The following MYO1D variants were observed in gnomAD, a reference collection of about 807,000 sequenced individuals.
The protein encoded by MYO1D is unconventional myosin-Id.
In MYO1D, 83 loss-of-function variants were observed where a neutral mutation model predicts 122.0. The observed-to-expected ratio is 0.68, with a 90% CI of 0.57 to 0.82. MYO1D has a LOEUF of 0.82. Among genes scored for constraint, MYO1D ranks in the 40% least tolerant of loss-of-function variants. The probability of loss-of-function intolerance (pLI) is 0.00; values close to 1 mark genes in which losing one functional copy is unlikely to be tolerated. For synonymous variants in MYO1D, 464 were observed against 446.9 expected (o/e 1.04, Z -0.48); for missense variants, 1,157 against 1,269.5 (o/e 0.91, Z 1.35).
chr17:32,857,259 A>C (rs1449832955), intron 1 of MYO1D, among the ~76,000 whole-genome samples: 1 of 152,130 alleles, frequency 6.6e-6, no homozygotes, highest in Non-Finnish European at 1.5e-5. Context: ...CTGTCTTCCC[A>C]ACTGTAATGA....
intron 21 of MYO1D, among the ~76,000 whole-genome samples, chr17:32,523,621 CA>C (rs527944050): frequency 6.6e-6 from 1 of 152,074 alleles, no homozygotes; most frequent in South Asian, 2.1e-4. Flanking sequence ...CTAGCCTGGG[CA>C]ACATGGAGAA....
intron 1 of MYO1D, among the ~76,000 whole-genome samples, chr17:32,853,328 ATCAAG>A (rs879483789): frequency 1.3e-5 from 2 of 152,220 alleles, no homozygotes; most frequent in African/African-American, 2.4e-5. Context: ...TGTAAATCTG[ATCAAG>A]TCATTTCCCT....
At chr17:32,797,121 C>T (rs1462814286) in intron 1 of MYO1D, among the ~76,000 whole-genome samples, 1 of 152,136 alleles carries the variant, frequency 6.6e-6, no homozygotes, top group East Asian at 1.9e-4. Context: ...CAGGCATCTG[C>T]CACCACACTC....
intron 13 of MYO1D, among the ~76,000 whole-genome samples, chr17:32,743,594 CATTATTATTATTATTATTGTT>C (rs976257881): frequency 1.3e-5 from 2 of 151,450 alleles, no homozygotes; most frequent in African/African-American, 4.8e-5. Flanking sequence ...CCTCAGCCTG[CATTATTATTATTATTATTGTT>C]ATTATTATTA....
At chr17:32,650,628 A>G (rs2088375996) in intron 19 of MYO1D, among the ~76,000 whole-genome samples, 1 of 151,924 alleles carries the variant, frequency 6.6e-6, no homozygotes, top group South Asian at 2.1e-4. Context: ...TTTTATTGCT[A>G]TATCTTCAAA....
At chr17:32,731,895 TC>T (rs1222841476) in intron 14 of MYO1D, among the ~76,000 whole-genome samples, 4 of 152,192 alleles carry the variant, frequency 2.6e-5, no homozygotes, top group Admixed American at 2.0e-4. Flanking sequence ...ACCTCTGCAC[TC>T]CCGGGGACAT....
At chr17:32,641,569 A>G (rs1418632692) in intron 19 of MYO1D, among the ~76,000 whole-genome samples, 1 of 152,138 alleles carries the variant, frequency 6.6e-6, no homozygotes, top group Non-Finnish European at 1.5e-5. Context: ...AAGTGTTCCT[A>G]TTTCTCCACA....
At chr17:32,856,900 T>C (rs1195975777) in intron 1 of MYO1D, among the ~76,000 whole-genome samples, 2 of 152,188 alleles carry the variant, frequency 1.3e-5, no homozygotes, top group Non-Finnish European at 2.9e-5. Flanking sequence ...TCCAATATTC[T>C]TCTCGATATT....
rs188658028 is a variant in MYO1D, at chr17:32,637,807, C to T, written c.2709+915G>A. Reference sequence around the variant, plus strand: ...GGGGTGCATAGTGAAGACGGATCTCCACCCCATAGTCTAAATCATTCTAAA... The same window carrying T: ...GGGGTGCATAGTGAAGACGGATCTCTACCCCATAGTCTAAATCATTCTAAA... On this transcript the variant is annotated intron_variant, in intron 20 of 21. Transcript: ENST00000318217. 9.9e-5 allele frequency among the ~76,000 whole-genome samples: 15 copies of T among 152,212 alleles called. No homozygotes were observed. The East Asian group carries it at 2.9e-3, about 29-fold the overall frequency.
Position 32,669,995 on chromosome 17 carries a change from C to T in MYO1D, c.2122-10657G>A, listed in dbSNP as rs569794835. Among the ~76,000 whole-genome samples the T allele has an allele frequency of 5.9e-5, 9 of 151,268 alleles. No individual in the cohort carries two copies. In the East Asian group the frequency reaches 1.4e-3, roughly 23 times the overall value. On this transcript the variant is annotated intron_variant, in intron 16 of 21. Coordinates refer to ENST00000318217, the MANE Select transcript of MYO1D (RefSeq NM_015194.3). ...TGCAATCTCCATTTCCTGGTTTTAG[C>T]GATTCTCTTGTCTCAACCTCCTGAG...
At chr17:32,849,593 C>A (rs1419623609) in intron 1 of MYO1D, among the ~76,000 whole-genome samples, 1 of 150,652 alleles carries the variant, frequency 6.6e-6, no homozygotes, top group Non-Finnish European at 1.5e-5. Context: ...CATATTCTCA[C>A]ATAGGTGGGA....
intron 7 of MYO1D, among the ~76,000 whole-genome samples, chr17:32,766,881 T>C (rs1416990890): frequency 6.6e-6 from 1 of 152,188 alleles, no homozygotes; most frequent in Non-Finnish European, 1.5e-5. Flanking sequence ...TTCAAACAGA[T>C]GAGACAATTT....
intron 21 of MYO1D, among the ~76,000 whole-genome samples, chr17:32,553,114 A>AC (rs1555625251): frequency 2.6e-5 from 4 of 151,426 alleles, no homozygotes; most frequent in Non-Finnish European, 5.9e-5. Flanking sequence ...AAAAAAAAAA[A>AC]CAAAAAAACC....
chr17:32,824,743 C>T (rs1721523715), intron 1 of MYO1D, among the ~76,000 whole-genome samples: 1 of 152,148 alleles, frequency 6.6e-6, no homozygotes, highest in Non-Finnish European at 1.5e-5. Context: ...GAAAACAAAC[C>T]ATATACAGAA....
At position 32,732,181 on chromosome 17, in the gene MYO1D, G is replaced by A. The variant is rs146437455; in HGVS notation, c.1746+6072C>T. Among the ~76,000 whole-genome samples, 506 of 152,336 alleles carry A rather than the reference G, an allele frequency of 3.3e-3. 2 individuals carry two copies. The highest frequency in any genetic ancestry group is 0.012 in the African/African-American group (483 of 41,582). On this transcript the variant is annotated intron_variant, in intron 14 of 21. Coordinates refer to ENST00000318217, the MANE Select transcript of MYO1D (RefSeq NM_015194.3). Reference sequence around the variant, plus strand: ...TGGGCCTGGAGGCACCCCTTGGCACGAACAGTCTGGACTCTGTGGGTGCTG... The same window carrying A: ...TGGGCCTGGAGGCACCCCTTGGCACAAACAGTCTGGACTCTGTGGGTGCTG...
intron 20 of MYO1D, among the ~76,000 whole-genome samples, chr17:32,626,058 C>CT (rs1212299010): frequency 6.6e-6 from 1 of 152,184 alleles, no homozygotes; most frequent in African/African-American, 2.4e-5. Flanking sequence ...TGCTGTGCAC[C>CT]TACGGGGCTG....
chr17:32,820,111 T>C (rs1311142152), intron 1 of MYO1D, among the ~76,000 whole-genome samples: 5 of 152,180 alleles, frequency 3.3e-5, no homozygotes, highest in East Asian at 3.8e-4. Context: ...GTAGTTTCTC[T>C]TTTAAAAAGT....
chr17:32,798,680 TG>T (rs2090437684), intron 1 of MYO1D, among the ~76,000 whole-genome samples: 1 of 152,224 alleles, frequency 6.6e-6, no homozygotes, highest in African/African-American at 2.4e-5. Flanking sequence ...CTGCTCATTT[TG>T]GGATAGAGTG....
At chr17:32,814,145 A>C (rs1184195154) in intron 1 of MYO1D, among the ~76,000 whole-genome samples, 2 of 152,186 alleles carry the variant, frequency 1.3e-5, no homozygotes, top group Non-Finnish European at 2.9e-5. Context: ...AGAGATCGAG[A>C]CCATCCTGGT....
Sources: allele counts gnomAD v4.1 joint callset (sites outside exome capture counted in the v4.1 genomes callset), GRCh38; gene constraint gnomAD v4.1.1; transcripts MANE v1.5; gene names NCBI Gene and HGNC (gene_info 2026-07-23, HGNC 2026-07-21).